The following ZNF267 variants were observed in gnomAD, a reference collection of about 807,000 sequenced individuals.
The protein encoded by ZNF267 is zinc finger protein 267.
ZNF267 carries 61 observed loss-of-function variants against 71.6 expected under a neutral mutation model. That is an observed-to-expected ratio of 0.85 (90% CI 0.69 to 1.05). The LOEUF is 1.05. Among genes scored for constraint, ZNF267 ranks in the 50% least tolerant of loss-of-function variants. ZNF267 has a pLI of 0.00. For synonymous variants in ZNF267, 288 were observed against 293.2 expected (o/e 0.98, Z 0.18); for missense variants, 852 against 870.0 (o/e 0.98, Z 0.26).
intron 3 of ZNF267, among the ~76,000 whole-genome samples, chr16:31,888,136 A>G (rs1026992426): frequency 6.6e-6 from 1 of 152,018 alleles, no homozygotes; most frequent in Non-Finnish European, 1.5e-5. Flanking sequence ...ATACTATTAT[A>G]AATCAGATTT....
intron 1 of ZNF267, among the ~76,000 whole-genome samples, chr16:31,878,850 A>C (rs1421495150): frequency 1.3e-5 from 2 of 152,246 alleles, no homozygotes; most frequent in Non-Finnish European, 2.9e-5. Flanking sequence ...CTGTGAGCTC[A>C]AGACCATGGC....
chr16:31,907,744 A>G (rs2084102801), intron 3 of ZNF267, among the ~76,000 whole-genome samples: 1 of 152,158 alleles, frequency 6.6e-6, no homozygotes, highest in Non-Finnish European at 1.5e-5. Context: ...TCTATAAAAA[A>G]TAATAAATAT....
rs1272436707 is a variant in ZNF267, at chr16:31,916,269, T to C, written c.2020T>C (p.Tyr674His). 2 of 1,614,046 alleles carry C rather than the reference T, an allele frequency of 1.2e-6. No homozygotes were observed. Among genetic ancestry groups the C allele is most frequent in the Non-Finnish European group, 8.5e-7 (1 of 1,179,988 alleles). Residue 674 changes from tyrosine (Y) to histidine (H), a missense_variant, in exon 4 of 4, where the codon TAC (tyrosine) becomes CAC (histidine). Tyr to His is a moderately conservative substitution (Grantham distance 83, BLOSUM62 2). Transcript: ENST00000300870. ...TGGCAAAGCCTTCAACTCTAGGTCA[T>C]ACCTCACTACACATCGGAGAAGACA... ...ECGKAFNSRS[Y>H]LTTHRRRHTG...
chr16:31,885,202 C>G lies in ZNF267; in HGVS notation c.172C>G (p.Gln58Glu), dbSNP rs760806417. 6.2e-7 allele frequency: 1 copy of G among 1,610,498 alleles called. No individual in the cohort carries two copies. The highest frequency in any genetic ancestry group is 8.5e-7 in the Non-Finnish European group (1 of 1,178,634). Residue 58 changes from glutamine to glutamate, a missense_variant, in exon 3 of 4, where the codon CAA (glutamine) becomes GAA (glutamate). By Grantham distance (29) the Gln-to-Glu change is conservative. Transcript: ENST00000300870. ...GCCGGACCTGATCACCTTTTTGGAA[C>G]AAAGGAAAGAGCCTTGGAATGTGAA... is the stretch of plus-strand genomic sequence containing the variant. ...SKPDLITFLE[Q>E]RKEPWNVKSE...
At chr16:31,909,912 G>T (rs562154017) in intron 3 of ZNF267, among the ~76,000 whole-genome samples, 35 of 152,198 alleles carry the variant, frequency 2.3e-4, no homozygotes, top group African/African-American at 8.2e-4. Context: ...GTCATATATG[G>T]TTTTTATTAT....
chr16:31,875,170 T>C (rs914117898), intron 1 of ZNF267: 8 of 1,289,200 alleles, frequency 6.2e-6, no homozygotes, highest in Non-Finnish European at 8.1e-6. Context: ...ATAGCCACCC[T>C]CTATCCAGTC....
intron 3 of ZNF267, among the ~76,000 whole-genome samples, chr16:31,897,534 A>C (rs2084008852): frequency 6.6e-6 from 1 of 152,176 alleles, no homozygotes; most frequent in Non-Finnish European, 1.5e-5. Flanking sequence ...AAAATCAGAA[A>C]GTAGATGTCT....
intron 3 of ZNF267, among the ~76,000 whole-genome samples, chr16:31,895,237 C>G (rs992288029): frequency 2.0e-5 from 3 of 152,214 alleles, no homozygotes; most frequent in African/African-American, 4.8e-5. Context: ...CTACATATGG[C>G]TTATTTCACT....
At chr16:31,874,032 C>T in intron 1 of ZNF267, 63 bp downstream of exon 1, 3 of 1,585,942 alleles carry the variant, frequency 1.9e-6, no homozygotes, top group Non-Finnish European at 2.6e-6. Flanking sequence ...GCGGCGGGAA[C>T]CCGCTGTAGG....
At chr16:31,906,478 G>A (rs778323695) in intron 3 of ZNF267, among the ~76,000 whole-genome samples, 5 of 152,144 alleles carry the variant, frequency 3.3e-5, no homozygotes, top group Non-Finnish European at 5.9e-5. Flanking sequence ...GGGCAATGGT[G>A]GGCACCCTTC....
chr16:31,905,976 T>C (rs2084086614), intron 3 of ZNF267, among the ~76,000 whole-genome samples: 1 of 152,200 alleles, frequency 6.6e-6, no homozygotes, highest in South Asian at 2.1e-4. Flanking sequence ...TGGTTGTCCT[T>C]TCCGTTTGTT....
chr16:31,873,892 A>G lies in ZNF267; in HGVS notation c.-75A>G, dbSNP rs762110951. On this transcript the variant is annotated 5_prime_UTR_variant, in exon 1 of 4. Transcript: ENST00000300870. ...GCTTCGCGTTCTGAGAATAAACAGA[A>G]CCTCTGTTGCTCTGCGACTTGCAGG... 2.5e-6 allele frequency: 4 copies of G among 1,602,496 alleles called. No individual in the cohort carries two copies. Among genetic ancestry groups the G allele is most frequent in the African/African-American group, 2.7e-5 (2 of 74,500 alleles).
At chr16:31,914,308 C>T in intron 3 of ZNF267, 168 bp from the exon 4 acceptor site, 1 of 602,790 alleles carries the variant, frequency 1.7e-6, no homozygotes, top group Non-Finnish European at 2.7e-6. Flanking sequence ...AGTTCACGTG[C>T]CACTTTATTG....
At position 31,914,515 on chromosome 16, in the gene ZNF267, A is replaced by G. The variant is rs770783836; in HGVS notation, c.266A>G (p.His89Arg). 6.2e-7 allele frequency: 1 copy of G among 1,613,086 alleles called. No homozygotes were observed. The highest frequency in any genetic ancestry group is 1.1e-5 in the South Asian group (1 of 90,828). ...TATAACAAGGACCTGTTGACAGAGC[A>G]CTGCACAGAAGCTTCATTCCAAAAA... ...SHYNKDLLTE[H>R]CTEASFQKVI... Residue 89 changes from histidine to arginine, a missense_variant, in exon 4 of 4, where the codon CAC becomes CGC. Physicochemically the swap from His to Arg is conservative, Grantham distance 29. Coordinates refer to ENST00000300870, the MANE Select transcript of ZNF267 (RefSeq NM_003414.6).
Position 31,915,416 on chromosome 16 carries a change from T to C in ZNF267, c.1167T>C (p.Phe389=). 1 of 1,613,830 alleles carries C rather than the reference T, an allele frequency of 6.2e-7. No individual in the cohort carries two copies. The highest frequency in any genetic ancestry group is 8.5e-7 in the Non-Finnish European group (1 of 1,179,890). Residue 389 remains phenylalanine, a synonymous_variant, in exon 4 of 4, where the codon TTT becomes TTC. Transcript: ENST00000300870. ...LYKCKACSKS[F]TRSSNLIVHQ... ...AATGTAAAGCATGTAGCAAATCTTT[T>C]ACTCGTTCCTCCAATCTTATTGTGC...
intron 3 of ZNF267, among the ~76,000 whole-genome samples, chr16:31,899,997 T>TACAC (rs530697331): frequency 4.0e-5 from 6 of 150,892 alleles, no homozygotes; most frequent in Admixed American, 6.6e-5. Context: ...CATATATATA[T>TACAC]ACACACACAC....
At chr16:31,877,864 A>G (rs189887207) in intron 1 of ZNF267, among the ~76,000 whole-genome samples, 2 of 152,246 alleles carry the variant, frequency 1.3e-5, no homozygotes, top group Admixed American at 6.5e-5. Flanking sequence ...GCTGTTCTGA[A>G]CTATATCCTT....
At chr16:31,885,792 A>G (rs2083920161) in intron 3 of ZNF267, among the ~76,000 whole-genome samples, 1 of 152,240 alleles carries the variant, frequency 6.6e-6, no homozygotes, top group African/African-American at 2.4e-5. Context: ...AATACAAGGC[A>G]TCTTCCCAAA....
At chr16:31,894,885 T>C in intron 3 of ZNF267, 1 of 399,350 alleles carries the variant, frequency 2.5e-6, no homozygotes, top group South Asian at 2.3e-5. Flanking sequence ...ATCTCTTTCA[T>C]GACCAACCTC....
Sources: gnomAD v4.1 joint callset for allele counts (sites outside exome capture counted in the v4.1 genomes callset) on GRCh38, gnomAD v4.1.1 for gene constraint, MANE v1.5 for transcripts, NCBI Gene and HGNC (gene_info 2026-07-23, HGNC 2026-07-21) for gene names.